Variants in SFXN1 observed in about 807,000 individuals in gnomAD.
SFXN1 encodes the protein sideroflexin 1, also known as sideroflexin-1.
A neutral mutation model predicts 39.5 loss-of-function variants in SFXN1; 32 were observed. The ratio of observed to expected loss-of-function variants is 0.81; its 90% CI spans 0.61 to 1.09. The LOEUF (loss-of-function observed/expected upper bound fraction) is 1.09, where lower values mean the gene tolerates loss of function less well. Among genes scored for constraint, SFXN1 ranks in the 50% least tolerant of loss-of-function variants. SFXN1 has a pLI of 0.00. For synonymous variants in SFXN1, 136 were observed against 146.5 expected (o/e 0.93, Z 0.52); for missense variants, 402 against 407.1 (o/e 0.99, Z 0.11).
chr5:175,500,947 C>T (rs1463516670), intron 2 of SFXN1, among the ~76,000 whole-genome samples: 3 of 151,990 alleles, frequency 2.0e-5, no homozygotes, highest in African/African-American at 7.3e-5. Flanking sequence ...ATGCTTAACT[C>T]ATCCTGTAAA....
intron 10 of SFXN1, among the ~76,000 whole-genome samples, chr5:175,525,311 T>C (rs890698858): frequency 6.6e-6 from 1 of 152,210 alleles, no homozygotes; most frequent in African/African-American, 2.4e-5. Context: ...CAGGTTTCCT[T>C]ACCTGTACAA....
intron 7 of SFXN1, among the ~76,000 whole-genome samples, chr5:175,514,437 C>G (rs928408926): frequency 6.6e-6 from 1 of 152,110 alleles, no homozygotes; most frequent in Non-Finnish European, 1.5e-5. Flanking sequence ...GACCAGGGGC[C>G]TAAAGAAAGT....
intron 1 of SFXN1, among the ~76,000 whole-genome samples, chr5:175,480,099 C>T (rs1028921647): frequency 6.6e-6 from 1 of 152,128 alleles, no homozygotes; most frequent in Non-Finnish European, 1.5e-5. Flanking sequence ...AGGTGTCTCA[C>T]TTTCAAAAAT....
chr5:175,511,335 A>G (rs1760504778), intron 4 of SFXN1, 116 bp from the exon 5 acceptor site: 2 of 784,442 alleles, frequency 2.5e-6, no homozygotes, highest in Admixed American at 2.3e-5. Context: ...TGTTTTGTAG[A>G]CTCTTCATTC....
At chr5:175,520,613 G>A (rs1290577155) in intron 8 of SFXN1, among the ~76,000 whole-genome samples, 2 of 152,172 alleles carry the variant, frequency 1.3e-5, no homozygotes, top group East Asian at 3.9e-4. Flanking sequence ...GTGGCACACA[G>A]CTGCTCTCTT....
intron 8 of SFXN1, among the ~76,000 whole-genome samples, chr5:175,519,236 C>T (rs1760806172): frequency 6.6e-6 from 1 of 152,076 alleles, no homozygotes; most frequent in Non-Finnish European, 1.5e-5. Context: ...GAACTGAAAC[C>T]CTCCCCACTG....
intron 1 of SFXN1, among the ~76,000 whole-genome samples, chr5:175,482,156 C>T (rs976387524): frequency 1.9e-4 from 29 of 152,170 alleles, no homozygotes; most frequent in African/African-American, 6.8e-4. Flanking sequence ...CTGGGTGTTC[C>T]GTCATGTCCC....
chr5:175,509,891 C>T (rs1760450806), intron 3 of SFXN1, among the ~76,000 whole-genome samples: 1 of 152,090 alleles, frequency 6.6e-6, no homozygotes, highest in African/African-American at 2.4e-5. Context: ...TCATAGTAAC[C>T]CTCTGAGCTT....
intron 4 of SFXN1, among the ~76,000 whole-genome samples, chr5:175,510,716 A>T (rs1760481434): frequency 6.6e-6 from 1 of 152,078 alleles, no homozygotes. Context: ...ATGAGTTTTA[A>T]TTTTTTGTCA....
chr5:175,503,139 A>G (rs139125472), intron 2 of SFXN1, among the ~76,000 whole-genome samples: 3 of 152,298 alleles, frequency 2.0e-5, no homozygotes, highest in African/African-American at 7.2e-5. Flanking sequence ...CCTGTACCAC[A>G]ATTCCGGGGC....
At chr5:175,480,819 G>C (rs1297443987) in intron 1 of SFXN1, among the ~76,000 whole-genome samples, 1 of 152,242 alleles carries the variant, frequency 6.6e-6, no homozygotes, top group African/African-American at 2.4e-5. Context: ...TGTAGCAGTG[G>C]TGAGCTGCAT....
rs990829382 is a variant in SFXN1 at position 175,526,783 on chromosome 5, T to C, written c.*49T>C. Reference sequence around the variant, plus strand: ...TCATTCTGCCACTGCAAAGCTGGTGTAGCCATGCTGGTGAGAAAAATCCTG... The same window carrying C: ...TCATTCTGCCACTGCAAAGCTGGTGCAGCCATGCTGGTGAGAAAAATCCTG... On this transcript the variant is annotated 3_prime_UTR_variant, in exon 11 of 11. Transcript: ENST00000321442. The C allele has an allele frequency of 4.0e-6, 6 of 1,488,332 alleles. No individual in the cohort carries two copies. The African/African-American group carries it at 4.2e-5, about 10-fold the overall frequency. 92.2% of individuals were successfully genotyped at this position (1,488,332 alleles called of 1,614,324 possible). A position where few individuals can be genotyped will look rare whatever the true frequency, so the allele number is the denominator to read the frequency against.
intron 3 of SFXN1, 35 bp from the exon 4 acceptor site, chr5:175,510,074 T>G: frequency 1.9e-6 from 3 of 1,573,190 alleles, no homozygotes; most frequent in South Asian, 1.1e-5. Flanking sequence ...CTGGGCCCAG[T>G]GATGGTGGGT....
chr5:175,506,377 A>G (rs1015068650), intron 2 of SFXN1, among the ~76,000 whole-genome samples: 3 of 152,232 alleles, frequency 2.0e-5, no homozygotes, highest in Admixed American at 2.0e-4. Context: ...GCTGCTGTGG[A>G]TGGTAATTTT....
At chr5:175,524,153 T>C (rs866643293) in intron 10 of SFXN1, 1 of 100,838 alleles carries the variant, frequency 9.9e-6, no homozygotes, top group East Asian at 2.8e-4. Context: ...TATATATATA[T>C]ATATATATAT....
intron 4 of SFXN1, among the ~76,000 whole-genome samples, chr5:175,510,679 C>G (rs545423473): frequency 6.6e-6 from 1 of 152,170 alleles, no homozygotes; most frequent in Non-Finnish European, 1.5e-5. Context: ...TTTAAAATAG[C>G]TCATCTGTGG....
Position 175,494,619 on chromosome 5 carries a change from G to A in SFXN1, c.164+2352G>A, listed in dbSNP as rs148025290. ...TACAAAAAATTAGCTGGGCGTGGTG[G>A]TGCATGTCTGTAATTCCAGCTACTT... On this transcript the variant is annotated intron_variant, in intron 2 of 10. Coordinates refer to ENST00000321442, the MANE Select transcript of SFXN1 (RefSeq NM_022754.7). Among the ~76,000 whole-genome samples, 300 of 152,170 alleles carry A rather than the reference G, an allele frequency of 2.0e-3. 8 individuals are homozygous for A. In the East Asian group the frequency reaches 0.043, roughly 22 times the overall value.
At chr5:175,520,545 T>C (rs550524899) in intron 8 of SFXN1, among the ~76,000 whole-genome samples, 2 of 152,244 alleles carry the variant, frequency 1.3e-5, no homozygotes, top group East Asian at 3.9e-4. Flanking sequence ...AGCCTTTCCG[T>C]CAAAACCCTC....
At position 175,478,867 on chromosome 5, in the gene SFXN1, CTTCCAGCATCCCGAG is replaced by C. The variant is rs558594557; in HGVS notation, c.-10+229_-10+243del. Among the ~76,000 whole-genome samples, 818 of 152,254 alleles carry C rather than the reference CTTCCAGCATCCCGAG, an allele frequency of 5.4e-3. 6 individuals are homozygous for C. Among genetic ancestry groups the C allele is most frequent in the Admixed American group, 9.0e-3 (138 of 15,306 alleles). ...CATCCTGCGGCCGGACAACACCACG[CTTCCAGCATCCCGAG>C]GCCCAGCATCCCGTGGGCCTCGTCC... On this transcript the variant is annotated intron_variant, in intron 1 of 10. Transcript: ENST00000321442.
Sources: gnomAD v4.1 joint callset for allele counts (sites outside exome capture counted in the v4.1 genomes callset) on GRCh38, gnomAD v4.1.1 for gene constraint, MANE v1.5 for transcripts, NCBI Gene and HGNC (gene_info 2026-07-23, HGNC 2026-07-21) for gene names.